Variants in BRINP1 observed in about 807,000 individuals in gnomAD.
BRINP1 encodes the protein BMP/retinoic acid-inducible neural-specific protein 1.
A neutral mutation model predicts 72.9 loss-of-function variants in BRINP1; 17 were observed. The ratio of observed to expected loss-of-function variants is 0.23; its 90% CI spans 0.16 to 0.35. The LOEUF (loss-of-function observed/expected upper bound fraction) is 0.35. Among genes scored for constraint, BRINP1 ranks in the 10% least tolerant of loss-of-function variants. The probability of loss-of-function intolerance (pLI) is 1.00; values close to 1 mark genes in which losing one functional copy is unlikely to be tolerated. For synonymous variants in BRINP1, 418 were observed against 378.5 expected (o/e 1.10, Z -1.21); for missense variants, 850 against 1,001.6 (o/e 0.85, Z 2.04).
chr9:119,359,880 G>A (rs550327898), intron 1 of BRINP1, among the ~76,000 whole-genome samples: 1 of 152,118 alleles, frequency 6.6e-6, no homozygotes, highest in African/African-American at 2.4e-5. Flanking sequence ...TCCACTCCAA[G>A]AACGGCTTTA....
At chr9:119,218,836 C>T (rs1415364992) in intron 5 of BRINP1, among the ~76,000 whole-genome samples, 1 of 150,098 alleles carries the variant, frequency 6.7e-6, no homozygotes, top group Non-Finnish European at 1.5e-5. Context: ...TAAGCCACAA[C>T]TCGGCTGCCA....
intron 7 of BRINP1, among the ~76,000 whole-genome samples, chr9:119,191,434 A>T (rs1485392691): frequency 2.0e-5 from 3 of 151,950 alleles, no homozygotes; most frequent in African/African-American, 7.2e-5. Flanking sequence ...CATTAAATAA[A>T]GTTGAATTAT....
rs369392964 is a variant in BRINP1, at chr9:119,304,066, G to C, written c.218+9072C>G. On this transcript the variant is annotated intron_variant, in intron 2 of 7. Coordinates refer to ENST00000265922, the MANE Select transcript of BRINP1 (RefSeq NM_014618.3). Reference sequence around the variant, plus strand: ...GCCTAATTTTTGTAATTTTAGTAGAGATGAAGTTTCACCATGTTGGCCAGT... The same window carrying C: ...GCCTAATTTTTGTAATTTTAGTAGACATGAAGTTTCACCATGTTGGCCAGT... 9.9e-5 allele frequency among the ~76,000 whole-genome samples: 15 copies of C among 151,888 alleles called. No homozygotes were observed. In the East Asian group the frequency reaches 1.8e-3, roughly 18 times the overall value.
intron 1 of BRINP1, among the ~76,000 whole-genome samples, chr9:119,356,482 T>C (rs1382004939): frequency 6.6e-6 from 1 of 152,156 alleles, no homozygotes. Flanking sequence ...TAAAAAAGCA[T>C]CTGGCAAAGG....
chr9:119,249,193 T>G (rs1830352986), intron 2 of BRINP1, 43 bp from the exon 3 acceptor site: 2 of 1,577,064 alleles, frequency 1.3e-6, no homozygotes, highest in African/African-American at 2.7e-5. Flanking sequence ...TTACCACCAT[T>G]ACCCTTAAGC....
intron 7 of BRINP1, among the ~76,000 whole-genome samples, chr9:119,173,322 T>TA (rs1829440061): frequency 6.8e-6 from 1 of 147,340 alleles, no homozygotes; most frequent in Non-Finnish European, 1.5e-5. Flanking sequence ...ATCACAAGCA[T>TA]TCTTATACAC....
chr9:119,328,900 G>A (rs1448194020), intron 1 of BRINP1, among the ~76,000 whole-genome samples: 3 of 152,102 alleles, frequency 2.0e-5, no homozygotes, highest in Non-Finnish European at 4.4e-5. Flanking sequence ...AAAAACCCAA[G>A]AGAAAGTTTT....
At chr9:119,277,773 C>T (rs990283238) in intron 2 of BRINP1, among the ~76,000 whole-genome samples, 1 of 152,080 alleles carries the variant, frequency 6.6e-6, no homozygotes, top group African/African-American at 2.4e-5. Context: ...GAGATGTAAA[C>T]ATATCTAGTA....
intron 2 of BRINP1, among the ~76,000 whole-genome samples, chr9:119,260,184 A>C (rs1184865600): frequency 2.6e-5 from 4 of 152,220 alleles, no homozygotes; most frequent in African/African-American, 9.6e-5. Flanking sequence ...AAATGCACTA[A>C]AATCTTTAAG....
intron 2 of BRINP1, among the ~76,000 whole-genome samples, chr9:119,307,907 T>C (rs189574699): frequency 1.3e-5 from 2 of 152,316 alleles, no homozygotes; most frequent in African/African-American, 4.8e-5. Flanking sequence ...AGGTCAAGGA[T>C]GCAGCCTCTA....
chr9:119,278,440 A>G (rs546973292), intron 2 of BRINP1, among the ~76,000 whole-genome samples: 46 of 152,318 alleles, frequency 3.0e-4, no homozygotes, highest in African/African-American at 1.1e-3. Flanking sequence ...AGCCTATTAG[A>G]GAACCATTTT....
At chr9:119,222,201 C>T (rs1342283742) in intron 5 of BRINP1, among the ~76,000 whole-genome samples, 1 of 151,976 alleles carries the variant, frequency 6.6e-6, no homozygotes, top group Non-Finnish European at 1.5e-5. Context: ...GTACTGTGAC[C>T]ACCATGTAGC....
At chr9:119,353,439 C>T (rs1831524995) in intron 1 of BRINP1, among the ~76,000 whole-genome samples, 1 of 152,126 alleles carries the variant, frequency 6.6e-6, no homozygotes, top group Admixed American at 6.5e-5. Context: ...GATGAGGAAC[C>T]TGAGGCTGAG....
At chr9:119,225,627 G>A (rs1277816906) in intron 5 of BRINP1, among the ~76,000 whole-genome samples, 4 of 151,786 alleles carry the variant, frequency 2.6e-5, no homozygotes, top group Admixed American at 6.6e-5. Context: ...CAGAACCCAC[G>A]GATATGGAAC....
intron 2 of BRINP1, among the ~76,000 whole-genome samples, chr9:119,303,542 A>G (rs761789042): frequency 2.0e-5 from 3 of 152,204 alleles, no homozygotes; most frequent in African/African-American, 4.8e-5. Context: ...CACTGTGTAC[A>G]TGAATCAATG....
intron 2 of BRINP1, among the ~76,000 whole-genome samples, chr9:119,268,705 G>A (rs10760030): frequency 0.68 from 102,964 of 151,988 alleles, 35,345 homozygotes; most frequent in East Asian, 0.91. Context: ...CCCTTTATTC[G>A]ACTACAATAC....
At chr9:119,191,899 C>A (rs1829687755) in intron 7 of BRINP1, among the ~76,000 whole-genome samples, 1 of 151,694 alleles carries the variant, frequency 6.6e-6, no homozygotes, top group South Asian at 2.1e-4. Context: ...CATAAAAAAA[C>A]AGAAACATAG....
chr9:119,280,644 G>A (rs1448655331), intron 2 of BRINP1, among the ~76,000 whole-genome samples: 1 of 152,086 alleles, frequency 6.6e-6, no homozygotes, highest in Non-Finnish European at 1.5e-5. Flanking sequence ...CACTACTCAA[G>A]TTTGTCACCT....
At chr9:119,182,908 A>C (rs1034914389) in intron 7 of BRINP1, among the ~76,000 whole-genome samples, 13 of 152,226 alleles carry the variant, frequency 8.5e-5, no homozygotes, top group Non-Finnish European at 1.9e-4. Context: ...ATATGCAATG[A>C]ATCTCCACTT....
Sources: gnomAD v4.1 joint callset for allele counts (sites outside exome capture counted in the v4.1 genomes callset) on GRCh38, gnomAD v4.1.1 for gene constraint, MANE v1.5 for transcripts, NCBI Gene and HGNC (gene_info 2026-07-23, HGNC 2026-07-21) for gene names.